PTPRG: variants seen among roughly 807,000 people sequenced by gnomAD.
The protein encoded by PTPRG is protein tyrosine phosphatase receptor type G.
Under a neutral mutation model 165.3 loss-of-function variants are expected in PTPRG, and 102 were observed. The ratio of observed to expected loss-of-function variants is 0.62; its 90% CI spans 0.53 to 0.73. The LOEUF (loss-of-function observed/expected upper bound fraction) is 0.73. Ranked by LOEUF, PTPRG falls within the 30% of genes least tolerant of loss-of-function variation. The pLI is 0.00. For missense variants in PTPRG, 1,866 were observed against 1,861.4 expected, an observed-to-expected ratio of 1.00 and a Z score of -0.05; for synonymous variants, 675 against 669.5, an observed-to-expected ratio of 1.01 and a Z score of -0.13.
At chr3:62,037,339 A>T (rs1319766817) in intron 4 of PTPRG, among the ~76,000 whole-genome samples, 1 of 152,108 alleles carries the variant, frequency 6.6e-6, no homozygotes, top group Non-Finnish European at 1.5e-5. Flanking sequence ...GTCTCAATTG[A>T]TGTCTCCAAT....
chr3:62,140,527 A>G (rs572409649), intron 6 of PTPRG, among the ~76,000 whole-genome samples: 5 of 152,288 alleles, frequency 3.3e-5, no homozygotes, highest in African/African-American at 1.2e-4. Context: ...CCACAAAATT[A>G]ATCCATAGTG....
intron 7 of PTPRG, among the ~76,000 whole-genome samples, chr3:62,165,925 C>T (rs1403689195): frequency 6.6e-6 from 1 of 152,098 alleles, no homozygotes; most frequent in Non-Finnish European, 1.5e-5. Flanking sequence ...TCAGGATGAC[C>T]ACCTAGAATT....
chr3:61,731,761 G>A, intron 1 of PTPRG, among the ~76,000 whole-genome samples: 1 of 151,318 alleles, frequency 6.6e-6, no homozygotes, highest in East Asian at 1.9e-4. Context: ...GTTCTCCACT[G>A]TCCAGTAGGA....
At chr3:61,941,402 A>T (rs545486259) in intron 2 of PTPRG, among the ~76,000 whole-genome samples, 263 of 152,298 alleles carry the variant, frequency 1.7e-3, no homozygotes, top group Non-Finnish European at 2.6e-3. Flanking sequence ...AGGCGGGCAG[A>T]TCATGAGGTT....
chr3:62,018,102 C>T (rs551239509), intron 4 of PTPRG, among the ~76,000 whole-genome samples: 1 of 152,240 alleles, frequency 6.6e-6, no homozygotes, highest in South Asian at 2.1e-4. Context: ...TCATTGAGAA[C>T]CAGGCAATAT....
intron 6 of PTPRG, among the ~76,000 whole-genome samples, chr3:62,144,057 T>C (rs1704028010): frequency 6.6e-6 from 1 of 152,204 alleles, no homozygotes; most frequent in Non-Finnish European, 1.5e-5. Flanking sequence ...TAAAGTTTCA[T>C]TGGAACACAG....
At chr3:61,720,402 G>T (rs1359355757) in intron 1 of PTPRG, among the ~76,000 whole-genome samples, 1 of 152,184 alleles carries the variant, frequency 6.6e-6, no homozygotes, top group Non-Finnish European at 1.5e-5. Context: ...GGGATTACAG[G>T]TGTGAGCCAC....
At position 61,818,895 on chromosome 3, in the gene PTPRG, T is replaced by C. The variant is rs555528997; in HGVS notation, c.190+69913T>C. ...TAGTGAATAGTGAAATAGTGAATAG[T>C]GAAATAGTGAAATAGTGGCCCTTTA... is the stretch of plus-strand genomic sequence containing the variant. On this transcript the variant is annotated intron_variant, in intron 2 of 29. Coordinates refer to ENST00000474889, the MANE Select transcript of PTPRG (RefSeq NM_002841.4). 4.3e-3 allele frequency among the ~76,000 whole-genome samples: 433 copies of C among 99,628 alleles called. 6 individuals are homozygous for C. The highest frequency in any genetic ancestry group is 0.035 in the Admixed American group (366 of 10,566). The allele number at this position is 99,628 out of a possible 152,430, so 65.4% of individuals were successfully genotyped here.
In PTPRG at chr3:61,746,323, A is replaced by G. The variant is rs561389056; in HGVS notation, c.86-2555A>G. Among the ~76,000 whole-genome samples, 4 of 145,200 alleles carry G rather than the reference A, an allele frequency of 2.8e-5. No homozygotes were observed. In the East Asian group the frequency reaches 8.4e-4, roughly 30 times the overall value. On this transcript the variant is annotated intron_variant, in intron 1 of 29. Coordinates refer to ENST00000474889, the MANE Select transcript of PTPRG (RefSeq NM_002841.4). ...AAGCCCCGCCTCCCAGGTTCACGCC[A>G]TTCTCCTGCCTCAGCTGGGGCTACA...
chr3:62,121,069 C>T (rs963967371), intron 5 of PTPRG, among the ~76,000 whole-genome samples: 11 of 151,246 alleles, frequency 7.3e-5, no homozygotes, highest in South Asian at 2.1e-4. Flanking sequence ...CTCAGCCTCC[C>T]GAGTAGCTGG....
In PTPRG at chr3:62,295,799, C is replaced by A. The variant is rs1703042405; in HGVS notation, c.*2492C>A. The A allele has an allele frequency of 6.6e-6, 1 of 152,024 alleles. No homozygotes were observed. The highest frequency in any genetic ancestry group is 2.1e-4 in the South Asian group (1 of 4,822). 9.4% of individuals were successfully genotyped at this position (152,024 alleles called of 1,614,324 possible). On this transcript the variant is annotated 3_prime_UTR_variant, in exon 30 of 30. Coordinates refer to ENST00000474889, the MANE Select transcript of PTPRG (RefSeq NM_002841.4). ...CAGTTATATTTAGCAGGTCCTCACCCCTGCAAGAGACAGCATATCCTCACT... is the reference window on the plus strand; with the variant it reads ...CAGTTATATTTAGCAGGTCCTCACCACTGCAAGAGACAGCATATCCTCACT...
At chr3:62,015,475 T>C (rs1284157071) in intron 4 of PTPRG, among the ~76,000 whole-genome samples, 30 of 152,224 alleles carry the variant, frequency 2.0e-4, no homozygotes, top group Admixed American at 1.9e-3. Context: ...CTCAGTTTCC[T>C]AACTTATATT....
intron 7 of PTPRG, among the ~76,000 whole-genome samples, chr3:62,160,155 T>C (rs1408083373): frequency 6.6e-6 from 1 of 152,218 alleles, no homozygotes; most frequent in Non-Finnish European, 1.5e-5. Flanking sequence ...CATGGGTGCC[T>C]GCACTCAATG....
At chr3:61,796,966 G>T (rs148179592) in intron 2 of PTPRG, among the ~76,000 whole-genome samples, 2 of 152,056 alleles carry the variant, frequency 1.3e-5, no homozygotes, top group East Asian at 1.9e-4. Flanking sequence ...GTTTTCTCCC[G>T]GGTGAAGGGT....
intron 1 of PTPRG, among the ~76,000 whole-genome samples, chr3:61,701,767 C>G (rs1036328850): frequency 2.0e-5 from 3 of 152,000 alleles, no homozygotes; most frequent in African/African-American, 7.2e-5. Context: ...TGTCGTGTCA[C>G]GTGACTGTCA....
intron 6 of PTPRG, among the ~76,000 whole-genome samples, chr3:62,143,733 G>C (rs1704013940): frequency 6.6e-6 from 1 of 152,102 alleles, no homozygotes; most frequent in African/African-American, 2.4e-5. Context: ...TGGACTCTTA[G>C]GAACACAACT....
intron 3 of PTPRG, among the ~76,000 whole-genome samples, chr3:61,990,985 G>C (rs983035287): frequency 6.7e-6 from 1 of 149,386 alleles, no homozygotes; most frequent in Non-Finnish European, 1.5e-5. Flanking sequence ...ACCATCATTT[G>C]AGATTATTCA....
intron 2 of PTPRG, among the ~76,000 whole-genome samples, chr3:61,845,404 AC>A (rs1293887167): frequency 2.6e-5 from 4 of 152,212 alleles, no homozygotes; most frequent in Admixed American, 2.6e-4. Flanking sequence ...AACAGCAGAG[AC>A]TGTTGCTTTA....
intron 1 of PTPRG, among the ~76,000 whole-genome samples, chr3:61,563,617 A>C (rs1341744773): frequency 6.6e-6 from 1 of 152,122 alleles, no homozygotes; most frequent in Non-Finnish European, 1.5e-5. Flanking sequence ...CCTCTCATCC[A>C]TCAACTCCTG....
Sources: allele counts gnomAD v4.1 joint callset (sites outside exome capture counted in the v4.1 genomes callset), GRCh38; gene constraint gnomAD v4.1.1; transcripts MANE v1.5; gene names NCBI Gene and HGNC (gene_info 2026-07-23, HGNC 2026-07-21).